CACNA1E: variants seen among roughly 807,000 people sequenced by gnomAD.
The protein encoded by CACNA1E is calcium voltage-gated channel subunit alpha1 E, also known as voltage-dependent R-type calcium channel subunit alpha-1E.
In CACNA1E, 40 loss-of-function variants were observed where a neutral mutation model predicts 259.2. The observed-to-expected ratio is 0.15, with a 90% confidence interval of 0.12 to 0.20. CACNA1E has a LOEUF of 0.20. Among genes scored for constraint, CACNA1E ranks in the 10% least tolerant of loss-of-function variants. CACNA1E has a pLI of 1.00. For synonymous variants in CACNA1E, 1,104 were observed against 1,138.5 expected (o/e 0.97, Z 0.61); for missense variants, 1,874 against 3,040.1 (o/e 0.62, Z 9.02).
chr1:181,715,495 T>G, intron 9 of CACNA1E, 104 bp downstream of exon 9: 4 of 695,258 alleles, frequency 5.8e-6, no homozygotes, highest in Non-Finnish European at 1.0e-5. Flanking sequence ...GATGGTGTTC[T>G]GGGATTGGAA....
At chr1:181,654,811 T>C (rs960378635) in intron 7 of CACNA1E, among the ~76,000 whole-genome samples, 1 of 151,806 alleles carries the variant, frequency 6.6e-6, no homozygotes, top group African/African-American at 2.4e-5. Flanking sequence ...AGTGAAACCC[T>C]GTCTCTACTA....
chr1:181,539,345 C>T (rs960890110), intron 3 of CACNA1E, among the ~76,000 whole-genome samples: 1 of 152,102 alleles, frequency 6.6e-6, no homozygotes, highest in Admixed American at 6.6e-5. Flanking sequence ...AGTCATTCAG[C>T]AAATATTACC....
chr1:181,534,643 A>C (rs1668034718), intron 3 of CACNA1E, among the ~76,000 whole-genome samples: 1 of 152,110 alleles, frequency 6.6e-6, no homozygotes, highest in Non-Finnish European at 1.5e-5. Context: ...TGTACCCCCA[A>C]AACTATTGAA....
intron 3 of CACNA1E, among the ~76,000 whole-genome samples, chr1:181,576,751 C>T (rs1266011103): frequency 6.6e-6 from 1 of 152,162 alleles, no homozygotes; most frequent in African/African-American, 2.4e-5. Context: ...ATAAAATGAG[C>T]AAGTTTTAAA....
chr1:181,739,002 G>A (rs1656315673), intron 24 of CACNA1E, 145 bp from the exon 25 acceptor site: 3 of 691,866 alleles, frequency 4.3e-6, no homozygotes, highest in Admixed American at 2.5e-5. Flanking sequence ...AAGCCTGCTG[G>A]ACCTAACCTC....
intron 1 of CACNA1E, among the ~76,000 whole-genome samples, chr1:181,320,904 T>TA: frequency 6.6e-6 from 1 of 152,248 alleles, no homozygotes; most frequent in South Asian, 2.1e-4. Flanking sequence ...TAATTTATTT[T>TA]AAAAAAAGAG....
At chr1:181,613,049 C>T (rs1486646568) in intron 6 of CACNA1E, among the ~76,000 whole-genome samples, 4 of 152,170 alleles carry the variant, frequency 2.6e-5, no homozygotes, top group South Asian at 2.1e-4. Context: ...CATATCCTGA[C>T]CACGTGTGTA....
intron 3 of CACNA1E, among the ~76,000 whole-genome samples, chr1:181,546,326 G>A (rs1558111299): frequency 6.6e-6 from 1 of 152,144 alleles, no homozygotes; most frequent in South Asian, 2.1e-4. Context: ...AGCAGGTAGT[G>A]CCCTTCCTCT....
In CACNA1E at chr1:181,330,120, A is replaced by G. The variant is rs540878313; in HGVS notation, c.-15+11997A>G. On this transcript the variant is annotated intron_variant, in intron 1 of 11. Transcript: ENST00000524607. ...CCAGCCTCATGCTCTCTGTGCCCTC[A>G]TTTTGGGGATATTGTCATACTGAAG... Among the ~76,000 whole-genome samples, 4 of 152,142 alleles carry G rather than the reference A, an allele frequency of 2.6e-5. No homozygotes were observed. In the South Asian group the frequency reaches 6.2e-4, roughly 24 times the overall value.
chr1:181,499,626 C>A (rs1270003154), intron 1 of CACNA1E, among the ~76,000 whole-genome samples: 2 of 152,366 alleles, frequency 1.3e-5, no homozygotes, highest in East Asian at 3.9e-4. Context: ...ACACGATTAA[C>A]TTTCTTGGTC....
chr1:181,750,131 G>C (rs1261973418), intron 25 of CACNA1E, among the ~76,000 whole-genome samples: 1 of 152,270 alleles, frequency 6.6e-6, no homozygotes, highest in Admixed American at 6.5e-5. Context: ...CCTGCACTTA[G>C]AAAACTGCAG....
In CACNA1E at chr1:181,377,249, C is replaced by T. The variant is rs573556798; in HGVS notation, c.-14-35884C>T. On this transcript the variant is annotated intron_variant, in intron 1 of 11. Coordinates refer to the CACNA1E transcript ENST00000524607. ...GAGAGGTGGAGTTTTAGTTGGACTT[C>T]TAAACATGGATAGGAATTTGATCAG... is the stretch of plus-strand genomic sequence containing the variant. Among the ~76,000 whole-genome samples, 81 of 152,208 alleles carry T rather than the reference C, an allele frequency of 5.3e-4. 2 individuals are homozygous for T. The highest frequency in any genetic ancestry group is 1.9e-3 in the African/African-American group (79 of 41,532).
intron 5 of CACNA1E, among the ~76,000 whole-genome samples, chr1:181,580,032 C>A (rs1651369439): frequency 6.6e-6 from 1 of 152,196 alleles, no homozygotes; most frequent in Non-Finnish European, 1.5e-5. Flanking sequence ...AGATGGGAGG[C>A]AGGCTGAAGA....
At chr1:181,534,773 T>C (rs1030788555) in intron 3 of CACNA1E, among the ~76,000 whole-genome samples, 1 of 152,128 alleles carries the variant, frequency 6.6e-6, no homozygotes, top group African/African-American at 2.4e-5. Flanking sequence ...GAAGCGATTT[T>C]AAAGTGAGGC....
At position 181,755,288 on chromosome 1, in the gene CACNA1E, A is replaced by G; in HGVS notation, c.3880A>G (p.Ile1294Val). The change falls in exon 28 of 48, where the codon ATT becomes GTT. Residue 1294 changes from isoleucine (I) to valine (V), a missense_variant. By Grantham distance (29) the Ile-to-Val change is conservative (BLOSUM62 3). Transcript: ENST00000367573. ...TSLKNVFNILIVYKLFMFIFA... is the reference protein window; with the variant it reads ...TSLKNVFNILVVYKLFMFIFA... ...CTTGAAGAATGTCTTCAACATACTC[A>G]TTGTGTACAAGCTCTTCATGTTCAT... 6.2e-7 allele frequency: 1 copy of G among 1,613,804 alleles called. No homozygotes were observed. Among genetic ancestry groups the G allele is most frequent in the Non-Finnish European group, 8.5e-7 (1 of 1,179,718 alleles).
chr1:181,393,847 A>G (rs1656467989), intron 1 of CACNA1E, among the ~76,000 whole-genome samples: 2 of 152,206 alleles, frequency 1.3e-5, no homozygotes, highest in Admixed American at 6.5e-5. Context: ...AGTACTTGGA[A>G]AAAATGTTTG....
At chr1:181,740,404 C>T (rs1327308478) in intron 25 of CACNA1E, among the ~76,000 whole-genome samples, 1 of 152,084 alleles carries the variant, frequency 6.6e-6, no homozygotes, top group Non-Finnish European at 1.5e-5. Flanking sequence ...GGGAAGCTGA[C>T]AGTGCTTCTC....
chr1:181,363,318 T>C (rs996391359), intron 1 of CACNA1E, among the ~76,000 whole-genome samples: 2 of 152,194 alleles, frequency 1.3e-5, no homozygotes, highest in Non-Finnish European at 2.9e-5. Context: ...TGTCTATTAC[T>C]ATAATACCTC....
rs525025 is a variant in CACNA1E, at chr1:181,485,511, T to G, written c.266+1501T>G. On this transcript the variant is annotated intron_variant, in intron 1 of 47. Coordinates refer to ENST00000367573, the MANE Select transcript of CACNA1E (RefSeq NM_001205293.3). This position sits in a 1 kb window ranked among gnomAD's most constrained non-coding sequence, Gnocchi z 4.2. ...GCAACCCCGGCTGGGCTTCTCCCTC[T>G]CTCCTCTCTGCATCCCGCTCCCCTG... Among the ~76,000 whole-genome samples, 1,311 of 152,150 alleles carry G rather than the reference T, an allele frequency of 8.6e-3. 17 individuals are homozygous for G. The highest frequency in any genetic ancestry group is 0.03 in the African/African-American group (1,242 of 41,500).
Sources: gnomAD v4.1 joint callset for allele counts (sites outside exome capture counted in the v4.1 genomes callset) on GRCh38, gnomAD v4.1.1 for gene constraint, Gnocchi (gnomAD v3.1) non-coding constraint, MANE v1.5 for transcripts, NCBI Gene and HGNC (gene_info 2026-07-23, HGNC 2026-07-21) for gene names.